The following MIB1 variants were observed in gnomAD, a reference collection of about 807,000 sequenced individuals.
The protein encoded by MIB1 is E3 ubiquitin-protein ligase MIB1.
A neutral mutation model predicts 124.5 loss-of-function variants in MIB1; 278 were observed. That is an observed-to-expected ratio of 2.23 (90% CI 2.02 to 2.47). The LOEUF (loss-of-function observed/expected upper bound fraction) is 2.47, where lower values mean the gene tolerates loss of function less well. MIB1 is among the 30% of genes most tolerant of loss of function. The pLI is 0.00. For synonymous variants in MIB1, 446 were observed against 429.4 expected (o/e 1.04, Z -0.48); for missense variants, 957 against 1,254.4 (o/e 0.76, Z 3.58).
intron 1 of MIB1, among the ~76,000 whole-genome samples, chr18:21,716,077 T>A (rs944082717): frequency 6.6e-6 from 1 of 152,094 alleles, no homozygotes; most frequent in African/African-American, 2.4e-5. Flanking sequence ...TTACCTAAAG[T>A]TAAGAAGGAA....
chr18:21,826,078 C>T (rs1353900150), intron 12 of MIB1: 1 of 223,390 alleles, frequency 4.5e-6, no homozygotes, highest in East Asian at 1.7e-4. Context: ...TTGCTTAATT[C>T]TTACATGTAG....
rs540025871 is a variant in MIB1, at chr18:21,742,373, T to A, written c.229+561T>A. The stretch of plus-strand genomic sequence containing the variant: ...ACTCTGGAATGATTTTTCATCCAAA[T>A]TGTTCTATTTTATATCTTTATATCA... On this transcript the variant is annotated intron_variant, in intron 1 of 20. Coordinates refer to ENST00000261537, the MANE Select transcript of MIB1 (RefSeq NM_020774.4). Among the ~76,000 whole-genome samples, 4 of 152,176 alleles carry A rather than the reference T, an allele frequency of 2.6e-5. No homozygotes were observed. In the South Asian group the frequency reaches 8.3e-4, roughly 32 times the overall value.
intron 8 of MIB1, among the ~76,000 whole-genome samples, chr18:21,799,494 C>T (rs1041800133): frequency 4.6e-5 from 7 of 151,968 alleles, no homozygotes; most frequent in African/African-American, 1.7e-4. Context: ...GTCCTTAAAA[C>T]CTGAAAGGAA....
upstream of MIB1, among the ~76,000 whole-genome samples, chr18:21,739,964 T>A (rs902576020): frequency 2.6e-4 from 39 of 151,258 alleles, no homozygotes; most frequent in Non-Finnish European, 4.3e-4. Context: ...ACAAAAAAAA[T>A]TTTATTTCAG....
rs1390133021 is a variant in MIB1, at chr18:21,765,848, G to A, written c.306G>A (p.Glu102=). Residue 102 remains glutamate (E), a synonymous_variant, in exon 2 of 21, where the codon GAG becomes GAA. Coordinates refer to ENST00000261537, the MANE Select transcript of MIB1 (RefSeq NM_020774.4). ...PIIGIRWKCA[E]CTNYDLCTVC... is the part of the protein sequence containing the mutation. The stretch of plus-strand genomic sequence containing the variant: ...TTGGCATTCGATGGAAGTGTGCAGA[G>A]TGTACAAATTATGATTTGTGCACAG... The A allele has an allele frequency of 6.2e-7, 1 of 1,614,064 alleles. No individual in the cohort carries two copies. Among genetic ancestry groups the A allele is most frequent in the African/African-American group, 1.3e-5 (1 of 74,930 alleles).
At position 21,773,732 on chromosome 18, in the gene MIB1, A is replaced by C; in HGVS notation, c.636+4A>C. 6.4e-7 allele frequency: 1 copy of C among 1,564,048 alleles called. No individual in the cohort carries two copies. The highest frequency in any genetic ancestry group is 8.7e-7 in the Non-Finnish European group (1 of 1,150,738). On this transcript the variant is annotated splice_donor_region_variant and intron_variant, in intron 4 of 20. Coordinates refer to ENST00000261537, the MANE Select transcript of MIB1 (RefSeq NM_020774.4). ...CAGAGTTGGCTTTGAGGGCATGGTA[A>C]GTAGTGAAGAGCCATAGCAGGTGAA...
At chr18:21,795,298 A>ATATATAAATATATAT (rs1472689098) in intron 7 of MIB1, among the ~76,000 whole-genome samples, 2 of 132,282 alleles carry the variant, frequency 1.5e-5, no homozygotes, top group Non-Finnish European at 1.5e-5. Flanking sequence ...TATATATATA[A>ATATATAAATATATAT]TATATAAATA....
At chr18:21,847,672 T>C (rs956016684) in intron 16 of MIB1, among the ~76,000 whole-genome samples, 1 of 152,236 alleles carries the variant, frequency 6.6e-6, no homozygotes, top group East Asian at 1.9e-4. Flanking sequence ...AGGCAACTTA[T>C]ACTCCATGAA....
At chr18:21,825,748 G>C (rs574177540) in intron 12 of MIB1, 1 of 529,838 alleles carries the variant, frequency 1.9e-6, no homozygotes, top group African/African-American at 1.9e-5. Flanking sequence ...TTGAAGAGGC[G>C]ATTTGGTTCC....
chr18:21,843,728 A>G (rs1480376169), intron 14 of MIB1, among the ~76,000 whole-genome samples: 1 of 152,214 alleles, frequency 6.6e-6, no homozygotes, highest in Non-Finnish European at 1.5e-5. Flanking sequence ...AATTTTGAAC[A>G]TTATGATTTG....
At chr18:21,768,383 A>C (rs1338982674) in intron 2 of MIB1, among the ~76,000 whole-genome samples, 1 of 152,202 alleles carries the variant, frequency 6.6e-6, no homozygotes, top group Non-Finnish European at 1.5e-5. Flanking sequence ...GTGCTTTTAC[A>C]TATTATATAA....
chr18:21,778,573 T>G (rs1265805645), intron 5 of MIB1, among the ~76,000 whole-genome samples: 2 of 152,126 alleles, frequency 1.3e-5, no homozygotes, highest in East Asian at 3.8e-4. Context: ...TAAGATAATA[T>G]ATGTAATTTC....
intron 1 of MIB1, among the ~76,000 whole-genome samples, chr18:21,714,154 G>A (rs972546312): frequency 1.3e-5 from 2 of 152,108 alleles, no homozygotes; most frequent in Non-Finnish European, 2.9e-5. Flanking sequence ...CCAGGGTTTA[G>A]TAAGAAATGT....
intron 1 of MIB1, among the ~76,000 whole-genome samples, chr18:21,706,229 G>C (rs1015254920): frequency 6.6e-6 from 1 of 152,134 alleles, no homozygotes; most frequent in African/African-American, 2.4e-5. Context: ...TTACAGGCAT[G>C]CACAACCACA....
At chr18:21,822,732 T>A (rs907440563) in intron 12 of MIB1, among the ~76,000 whole-genome samples, 1 of 152,128 alleles carries the variant, frequency 6.6e-6, no homozygotes, top group Non-Finnish European at 1.5e-5. Flanking sequence ...TGTCCAGTGA[T>A]GTCAGAAGAC....
chr18:21,809,327 CA>C (rs1317262820), intron 10 of MIB1, among the ~76,000 whole-genome samples: 5 of 151,934 alleles, frequency 3.3e-5, no homozygotes, highest in Non-Finnish European at 7.4e-5. Context: ...GGATTTCTGC[CA>C]AACATTTAAA....
chr18:21,859,177 A>G (rs760653805), intron 20 of MIB1, among the ~76,000 whole-genome samples: 3 of 152,170 alleles, frequency 2.0e-5, no homozygotes, highest in South Asian at 2.1e-4. Context: ...TGGGAGGCCA[A>G]TGTAGGAGGA....
Position 21,778,096 on chromosome 18 carries a change from T to C in MIB1, c.637-7T>C. ...TGGGTGATTTTTCTGGTTTCTTTTC[T>C]TCTTAGTCTGATCTGAAATGTGTCC... On this transcript the variant is annotated splice_region_variant and splice_polypyrimidine_tract_variant and intron_variant, in intron 4 of 20. Coordinates refer to ENST00000261537, the MANE Select transcript of MIB1 (RefSeq NM_020774.4). 1 of 1,608,478 alleles carries C rather than the reference T, an allele frequency of 6.2e-7. No homozygotes were observed. Among genetic ancestry groups the C allele is most frequent in the Non-Finnish European group, 8.5e-7 (1 of 1,175,346 alleles).
intron 1 of MIB1, among the ~76,000 whole-genome samples, chr18:21,712,413 AAC>A: frequency 6.6e-6 from 1 of 152,254 alleles, no homozygotes; most frequent in East Asian, 1.9e-4. Context: ...ATGGGATGTC[AAC>A]ACTCCTGTGA....
Sources: allele counts gnomAD v4.1 joint callset (sites outside exome capture counted in the v4.1 genomes callset), GRCh38; gene constraint gnomAD v4.1.1; transcripts MANE v1.5; gene names NCBI Gene and HGNC (gene_info 2026-07-23, HGNC 2026-07-21).